Variants in VSX2 observed in about 807,000 individuals in gnomAD.
The protein encoded by VSX2 is ceh-10 homeo domain containing homolog.
Under a neutral mutation model 32.1 loss-of-function variants are expected in VSX2, and 28 were observed. That is an observed-to-expected ratio of 0.87 (90% CI 0.65 to 1.20). The LOEUF is 1.20. Ranked by LOEUF, VSX2 falls within the 50% of genes most tolerant of loss-of-function variation. The probability of loss-of-function intolerance (pLI) is 0.00; values close to 1 mark genes in which losing one functional copy is unlikely to be tolerated. For synonymous variants in VSX2, 243 were observed against 214.1 expected, an observed-to-expected ratio of 1.14 and a Z score of -1.18; for missense variants, 506 against 488.7, an observed-to-expected ratio of 1.04 and a Z score of -0.33.
intron 3 of VSX2, among the ~76,000 whole-genome samples, chr14:74,256,669 CTTTTT>C (rs34012116): frequency 4.2e-4 from 39 of 93,086 alleles, no homozygotes; most frequent in Admixed American, 2.5e-3. Flanking sequence ...GGGAGTCATA[CTTTTT>C]TTTTTTTTTT....
intron 2 of VSX2, among the ~76,000 whole-genome samples, chr14:74,243,609 T>C (rs1352235381): frequency 4.6e-5 from 7 of 152,142 alleles, no homozygotes; most frequent in African/African-American, 1.7e-4. Flanking sequence ...GCTCTGTCCA[T>C]GGGCCCTTCA....
chr14:74,244,945 A>AGTGTGTGTGT (rs59905689), intron 2 of VSX2, among the ~76,000 whole-genome samples: 8 of 60,100 alleles, frequency 1.3e-4, no homozygotes, highest in Non-Finnish European at 2.3e-4. Context: ...AGAGAGAGAA[A>AGTGTGTGTGT]GTGTGTGTGT....
At chr14:74,251,286 C>G (rs2079227551) in intron 3 of VSX2, among the ~76,000 whole-genome samples, 1 of 152,066 alleles carries the variant, frequency 6.6e-6, no homozygotes, top group Non-Finnish European at 1.5e-5. Flanking sequence ...CCCGTCTCTA[C>G]TAAAAATACA....
chr14:74,251,057 G>A (rs1445205698), intron 3 of VSX2, among the ~76,000 whole-genome samples: 1 of 150,642 alleles, frequency 6.6e-6, no homozygotes, highest in Non-Finnish European at 1.5e-5. Flanking sequence ...GCTCACGTCC[G>A]TAATCCCAGC....
intron 3 of VSX2, among the ~76,000 whole-genome samples, chr14:74,249,935 C>T (rs1332310874): frequency 6.6e-6 from 1 of 151,948 alleles, no homozygotes; most frequent in African/African-American, 2.4e-5. Context: ...TCAGGCACAC[C>T]GTCTTCTTTG....
rs768286032 is a variant in VSX2 at position 74,260,754 on chromosome 14, G to A, written c.921G>A (p.Ala307=). 4.2e-5 allele frequency: 67 copies of A among 1,589,506 alleles called. No homozygotes were observed. Among genetic ancestry groups the A allele is most frequent in the Non-Finnish European group, 5.1e-5 (60 of 1,168,194 alleles). The part of the protein sequence containing the change: ...SQEELRENSI[A]VLRAKAQEHS... ...AGGAACTGAGGGAGAACAGCATTGC[G>A]GTGCTCCGGGCCAAAGCTCAGGAGC... Residue 307 remains alanine, a synonymous_variant, in exon 5 of 5, where the codon GCG becomes GCA. Coordinates refer to ENST00000261980, the MANE Select transcript of VSX2 (RefSeq NM_182894.3).
chr14:74,244,943 A>AT (rs2079178141), intron 2 of VSX2, among the ~76,000 whole-genome samples: 3 of 63,040 alleles, frequency 4.8e-5, no homozygotes, highest in Non-Finnish European at 1.0e-4. Flanking sequence ...AGAGAGAGAG[A>AT]AAGTGTGTGT....
intron 4 of VSX2, 98 bp downstream of exon 4, chr14:74,259,880 ACAG>A: frequency 7.8e-7 from 1 of 1,284,564 alleles, no homozygotes; most frequent in Non-Finnish European, 1.1e-6. Flanking sequence ...CACTTGGGCC[ACAG>A]CAGCCTAGCA....
At chr14:74,240,447 C>G (rs2079141685) in intron 1 of VSX2, among the ~76,000 whole-genome samples, 1 of 152,150 alleles carries the variant, frequency 6.6e-6, no homozygotes. Context: ...ACCCGGCCAT[C>G]GCGGCAGCTA....
In VSX2 at chr14:74,259,645, A is replaced by T. The variant is rs1397794028; in HGVS notation, c.623A>T (p.Lys208Met). ...NRRAKWRKREKCWGRSSVMAE... is the reference protein window; with the variant it reads ...NRRAKWRKREMCWGRSSVMAE... ...CGAGCCAAGTGGAGGAAGCGGGAGA[A>T]GTGCTGGGGCCGGAGCAGTGTCATG... The change falls in exon 4 of 5, where the codon AAG becomes ATG. Residue 208 changes from lysine to methionine, a missense_variant. Lys to Met is a moderately conservative substitution (Grantham distance 95, BLOSUM62 -1). Transcript: ENST00000261980. The T allele has an allele frequency of 1.2e-6, 2 of 1,614,178 alleles. No homozygotes were observed. Among genetic ancestry groups the T allele is most frequent in the Admixed American group, 3.3e-5 (2 of 60,024 alleles).
chr14:74,245,367 T>C, intron 3 of VSX2, 79 bp downstream of exon 3: 1 of 1,585,448 alleles, frequency 6.3e-7, no homozygotes, highest in Non-Finnish European at 8.6e-7. Context: ...CAGATGCCCA[T>C]GACCCCGCCT....
At chr14:74,245,323 C>T in intron 3 of VSX2, 35 bp downstream of exon 3, 1 of 1,612,428 alleles carries the variant, frequency 6.2e-7, no homozygotes, top group South Asian at 1.1e-5. Context: ...CTCCACTCTC[C>T]CCTCTCTCGG....
chr14:74,246,438 A>G lies in VSX2; in HGVS notation c.579+1150A>G, dbSNP rs138248525. 1.8e-3 allele frequency among the ~76,000 whole-genome samples: 276 copies of G among 152,312 alleles called. 1 individual carries two copies. The highest frequency in any genetic ancestry group is 6.1e-3 in the African/African-American group (252 of 41,548). ...TGTGAGGCCTTCCTCTCCCCTGGAA[A>G]TCTATTTGGAATTTCAGCCGATGGT... is the stretch of plus-strand genomic sequence containing the variant. On this transcript the variant is annotated intron_variant, in intron 3 of 4. Coordinates refer to ENST00000261980, the MANE Select transcript of VSX2 (RefSeq NM_182894.3).
intron 3 of VSX2, among the ~76,000 whole-genome samples, chr14:74,248,361 C>CAAA (rs1491196982): frequency 7.5e-6 from 1 of 132,796 alleles, no homozygotes; most frequent in African/African-American, 2.8e-5. Context: ...ACAAAAAAAA[C>CAAA]CAAAAACGAG....
Position 74,239,919 on chromosome 14 carries a change from A to G in VSX2, c.358A>G (p.Thr120Ala), listed in dbSNP as rs751334784. The G allele has an allele frequency of 1.2e-5, 19 of 1,567,654 alleles. 1 individual carries two copies. In the African/African-American group the frequency reaches 2.2e-4, roughly 18 times the overall value. ...RASGPLDTSQ[T>A]ASSDSEDVSS... ...ATCGGGGCCGCTGGACACCAGCCAG[A>G]CGGCCAGCTCGGGTAGGTGAGGAGA... Residue 120 changes from threonine to alanine, a missense_variant, in exon 1 of 5, where the codon ACG becomes GCG. Coordinates refer to ENST00000261980, the MANE Select transcript of VSX2 (RefSeq NM_182894.3).
intron 3 of VSX2, among the ~76,000 whole-genome samples, chr14:74,257,176 A>T (rs1279299025): frequency 1.3e-5 from 2 of 152,162 alleles, no homozygotes; most frequent in South Asian, 2.1e-4. Flanking sequence ...TACATACGGC[A>T]TGGAGCCAGG....
At chr14:74,258,985 T>C (rs529668388) in intron 3 of VSX2, among the ~76,000 whole-genome samples, 1 of 152,202 alleles carries the variant, frequency 6.6e-6, no homozygotes, top group Admixed American at 6.5e-5. Flanking sequence ...ACATGTGGTT[T>C]GGCAGAGCTT....
intron 3 of VSX2, among the ~76,000 whole-genome samples, chr14:74,250,421 A>G (rs1464342836): frequency 6.6e-6 from 1 of 151,982 alleles, no homozygotes; most frequent in African/African-American, 2.4e-5. Flanking sequence ...TTTTTTTCTA[A>G]GATGTGCTTG....
chr14:74,240,183 G>C (rs1467802284), intron 1 of VSX2, among the ~76,000 whole-genome samples: 1 of 152,176 alleles, frequency 6.6e-6, no homozygotes, highest in Non-Finnish European at 1.5e-5. Context: ...GGCAGGGCTC[G>C]GCCACGGCAC....
Sources: gnomAD v4.1 joint callset for allele counts (sites outside exome capture counted in the v4.1 genomes callset) on GRCh38, gnomAD v4.1.1 for gene constraint, MANE v1.5 for transcripts, NCBI Gene and HGNC (gene_info 2026-07-23, HGNC 2026-07-21) for gene names.